Variants in SPAG6 observed in about 807,000 individuals in gnomAD.
SPAG6 encodes the protein sperm-associated antigen 6.
In SPAG6, 49 loss-of-function variants were observed where a neutral mutation model predicts 58.5. The ratio of observed to expected loss-of-function variants is 0.84; its 90% CI spans 0.67 to 1.06. The LOEUF (loss-of-function observed/expected upper bound fraction) is 1.06. Among genes scored for constraint, SPAG6 ranks in the 50% least tolerant of loss-of-function variants. The pLI is 0.00. For missense variants in SPAG6, 560 were observed against 611.3 expected (o/e 0.92, Z 0.89); for synonymous variants, 233 against 225.6 (o/e 1.03, Z -0.29).
chr10:22,404,772 G>A (rs2130625988), intron 9 of SPAG6, among the ~76,000 whole-genome samples: 1 of 150,634 alleles, frequency 6.6e-6, no homozygotes, highest in South Asian at 2.1e-4. Context: ...CCATGAGCAT[G>A]GAATGTTCTT....
At chr10:22,357,735 TC>T (rs1173004232) in intron 2 of SPAG6, among the ~76,000 whole-genome samples, 28 of 68,568 alleles carry the variant, frequency 4.1e-4, no homozygotes, top group Non-Finnish European at 6.3e-4. Flanking sequence ...CCCTCCCCCC[TC>T]CCCCCACCCC....
chr10:22,415,462 C>T (rs924767167), intron 10 of SPAG6, among the ~76,000 whole-genome samples: 3 of 152,008 alleles, frequency 2.0e-5, no homozygotes, highest in African/African-American at 4.8e-5. Context: ...AAGAATACTT[C>T]GAAGAAACCC....
intron 9 of SPAG6, among the ~76,000 whole-genome samples, chr10:22,407,890 A>G (rs1564381089): frequency 1.3e-5 from 2 of 150,068 alleles, no homozygotes; most frequent in African/African-American, 5.0e-5. Context: ...CATTCATTTC[A>G]TCTTCCATTG....
chr10:22,383,922 G>A lies in SPAG6; in HGVS notation c.473-2832G>A, dbSNP rs1288708107. On this transcript the variant is annotated intron_variant, in intron 4 of 10. Transcript: ENST00000376624. ...AACATTCAGTGAGTGAAAGAGGAGA[G>A]AAAACCATGTACAGACACCAAGCAT... Among the ~76,000 whole-genome samples, 6 of 152,104 alleles carry A rather than the reference G, an allele frequency of 3.9e-5. No homozygotes were observed. In the East Asian group the frequency reaches 1.2e-3, roughly 29 times the overall value.
intron 2 of SPAG6, among the ~76,000 whole-genome samples, chr10:22,364,571 C>T (rs771220711): frequency 1.3e-5 from 2 of 152,158 alleles, no homozygotes; most frequent in Non-Finnish European, 2.9e-5. Context: ...TCATAATTAA[C>T]CCTATCAGGT....
chr10:22,392,481 G>T (rs1036988749), intron 8 of SPAG6, among the ~76,000 whole-genome samples: 20 of 151,668 alleles, frequency 1.3e-4, no homozygotes, highest in African/African-American at 4.6e-4. Flanking sequence ...AATATTACTA[G>T]CTACTAAAAT....
intron 2 of SPAG6, among the ~76,000 whole-genome samples, chr10:22,360,018 T>C: frequency 6.6e-6 from 1 of 152,184 alleles, no homozygotes; most frequent in East Asian, 1.9e-4. Context: ...TTGGAAAAAC[T>C]TGACATTTTC....
At chr10:22,394,436 C>G (rs1485719421) in intron 8 of SPAG6, among the ~76,000 whole-genome samples, 1 of 151,688 alleles carries the variant, frequency 6.6e-6, no homozygotes, top group African/African-American at 2.4e-5. Context: ...ATAGTTGTTC[C>G]CCCTTCATTT....
At chr10:22,379,642 A>G (rs1024588509) in intron 4 of SPAG6, among the ~76,000 whole-genome samples, 1 of 152,186 alleles carries the variant, frequency 6.6e-6, no homozygotes, top group African/African-American at 2.4e-5. Context: ...ATAGGTCTTG[A>G]GCCTGAACCT....
chr10:22,359,084 C>A (rs1255079973), intron 2 of SPAG6, among the ~76,000 whole-genome samples: 1 of 152,170 alleles, frequency 6.6e-6, no homozygotes, highest in Non-Finnish European at 1.5e-5. Flanking sequence ...TCAACATGGA[C>A]AGTCATGTAA....
intron 9 of SPAG6, among the ~76,000 whole-genome samples, chr10:22,410,306 G>C (rs1564382283): frequency 6.6e-6 from 1 of 152,166 alleles, no homozygotes; most frequent in African/African-American, 2.4e-5. Flanking sequence ...TCTGCCTTCA[G>C]TGACATTGTG....
intron 8 of SPAG6, among the ~76,000 whole-genome samples, chr10:22,395,894 T>A (rs1252281146): frequency 2.6e-5 from 4 of 152,198 alleles, no homozygotes; most frequent in Admixed American, 1.3e-4. Context: ...TTTTTAAAAA[T>A]TTTTCAGCAG....
chr10:22,394,035 G>A (rs1834239673), intron 8 of SPAG6, among the ~76,000 whole-genome samples: 1 of 152,196 alleles, frequency 6.6e-6, no homozygotes, highest in South Asian at 2.1e-4. Context: ...TTTCTCTCAT[G>A]TTTTCTTTGG....
intron 4 of SPAG6, among the ~76,000 whole-genome samples, chr10:22,375,388 CAT>C (rs1014968474): frequency 7.9e-5 from 12 of 152,136 alleles, no homozygotes; most frequent in African/African-American, 2.9e-4. Flanking sequence ...TGAGATAAGA[CAT>C]GTTCATCATC....
At chr10:22,357,036 A>T (rs1342263927) in intron 2 of SPAG6, among the ~76,000 whole-genome samples, 5 of 152,084 alleles carry the variant, frequency 3.3e-5, no homozygotes, top group African/African-American at 1.2e-4. Context: ...CTATAGTCAC[A>T]CTGCATTCTC....
intron 4 of SPAG6, among the ~76,000 whole-genome samples, chr10:22,381,964 C>A (rs929917199): frequency 6.6e-6 from 1 of 152,190 alleles, no homozygotes; most frequent in Non-Finnish European, 1.5e-5. Flanking sequence ...ACTGACAGAT[C>A]ACTGCAAGCT....
At chr10:22,346,498 T>TCTTCC (rs1554776433) in intron 2 of SPAG6, among the ~76,000 whole-genome samples, 1 of 76,920 alleles carries the variant, frequency 1.3e-5, no homozygotes, top group African/African-American at 5.5e-5. Context: ...TTCTTCTTCT[T>TCTTCC]TCTTCTTCTT....
At chr10:22,357,498 G>C (rs758946259) in intron 2 of SPAG6, among the ~76,000 whole-genome samples, 1 of 151,954 alleles carries the variant, frequency 6.6e-6, no homozygotes, top group Non-Finnish European at 1.5e-5. Flanking sequence ...AATTACAATG[G>C]ATGGTATTAA....
chr10:22,399,419 C>T (rs1422233510), intron 8 of SPAG6, among the ~76,000 whole-genome samples: 1 of 152,122 alleles, frequency 6.6e-6, no homozygotes, highest in Non-Finnish European at 1.5e-5. Flanking sequence ...AATATATGAA[C>T]TTTTGTGCCT....
Sources: gnomAD v4.1 joint callset for allele counts (sites outside exome capture counted in the v4.1 genomes callset) on GRCh38, gnomAD v4.1.1 for gene constraint, MANE v1.5 for transcripts, NCBI Gene and HGNC (gene_info 2026-07-23, HGNC 2026-07-21) for gene names.